ARHGEF3: variants seen among roughly 807,000 people sequenced by gnomAD.
ARHGEF3 encodes the protein Rho guanine nucleotide exchange factor 3.
Under a neutral mutation model 63.2 loss-of-function variants are expected in ARHGEF3, and 28 were observed. That is an observed-to-expected ratio of 0.44 (90% CI 0.33 to 0.61). The LOEUF is 0.61. Among genes scored for constraint, ARHGEF3 ranks in the 20% least tolerant of loss-of-function variants. The pLI is 0.03. For missense variants in ARHGEF3, 533 were observed against 659.3 expected (o/e 0.81, Z 2.10); for synonymous variants, 266 against 254.2 (o/e 1.05, Z -0.44).
intron 9 of ARHGEF3, among the ~76,000 whole-genome samples, 198 bp from the exon 10 acceptor site, chr3:56,729,820 C>T (rs943509645): frequency 7.9e-5 from 12 of 151,800 alleles, no homozygotes; most frequent in African/African-American, 2.4e-4. Context: ...ACAGGTCTAG[C>T]GTTCAGCTGC....
At chr3:57,077,917 A>G (rs1706288707) in intron 1 of ARHGEF3, among the ~76,000 whole-genome samples, 1 of 152,102 alleles carries the variant, frequency 6.6e-6, no homozygotes, top group Non-Finnish European at 1.5e-5. Flanking sequence ...GGAAGGGAAC[A>G]CCATGGCTAC....
chr3:56,809,681 T>C (rs2037993615), intron 4 of ARHGEF3, among the ~76,000 whole-genome samples: 1 of 152,062 alleles, frequency 6.6e-6, no homozygotes, highest in Admixed American at 6.6e-5. Context: ...TATTTGGGGG[T>C]TAAGGATTCA....
rs1702292412 is a variant in ARHGEF3, at chr3:57,002,546, T to TAATA, written c.62+32541_62+32542insTATT. 3.8e-5 allele frequency among the ~76,000 whole-genome samples: 3 copies of TAATA among 78,284 alleles called. No homozygotes were observed. The South Asian group carries it at 1.3e-3, about 34-fold the overall frequency. 51.4% of individuals were successfully genotyped at this position (78,284 alleles called of 152,430 possible). On this transcript the variant is annotated intron_variant, in intron 2 of 12. Coordinates refer to the ARHGEF3 transcript ENST00000338458. ...ATGTATGTTATATATGTAATATATG[T>TAATA]TATGTTATATATATGTTATATGTAT...
intron 1 of ARHGEF3, among the ~76,000 whole-genome samples, chr3:56,786,757 G>A (rs917783312): frequency 7.9e-5 from 12 of 152,130 alleles, no homozygotes; most frequent in African/African-American, 2.9e-4. Context: ...AAGAAGGCAA[G>A]GAGCTCAGAG....
chr3:56,920,010 C>T (rs531330771), intron 3 of ARHGEF3, among the ~76,000 whole-genome samples: 11 of 152,274 alleles, frequency 7.2e-5, no homozygotes, highest in Admixed American at 4.6e-4. Context: ...AGAGAAGGAT[C>T]GCTAACAATG....
chr3:57,063,177 C>G (rs1331574425), intron 1 of ARHGEF3, among the ~76,000 whole-genome samples: 1 of 152,082 alleles, frequency 6.6e-6, no homozygotes, highest in Non-Finnish European at 1.5e-5. Context: ...GAGGTGCCCA[C>G]GCAGGGAACA....
At chr3:56,765,382 C>T (rs549793600) in intron 2 of ARHGEF3, among the ~76,000 whole-genome samples, 1 of 152,200 alleles carries the variant, frequency 6.6e-6, no homozygotes, top group African/African-American at 2.4e-5. Flanking sequence ...CCCTTGGATA[C>T]CCATTACAAG....
intron 4 of ARHGEF3, among the ~76,000 whole-genome samples, chr3:56,834,194 C>T (rs1039616641): frequency 1.3e-4 from 20 of 152,142 alleles, no homozygotes; most frequent in Non-Finnish European, 2.4e-4. Flanking sequence ...TAAGCCACCA[C>T]GCCTGGCCTG....
intron 2 of ARHGEF3, among the ~76,000 whole-genome samples, chr3:56,977,986 T>G (rs75110604): frequency 1.5e-3 from 228 of 152,020 alleles, no homozygotes; most frequent in African/African-American, 5.4e-3. Context: ...AGCCTGACAG[T>G]AGAGACAAAA....
In ARHGEF3 at chr3:56,729,412, T is replaced by C; in HGVS notation, c.1439A>G (p.Glu480Gly). The C allele has an allele frequency of 6.2e-7, 1 of 1,614,080 alleles. No individual in the cohort carries two copies. Among genetic ancestry groups the C allele is most frequent in the Non-Finnish European group, 8.5e-7 (1 of 1,180,000 alleles). Reference sequence around the variant, plus strand: ...TTGGTCCATCTGCTCAAGTTTTGTTTCTCCCTGTAGCTCTCTGCTCCCGGT... The same window carrying C: ...TTGGTCCATCTGCTCAAGTTTTGTTCCTCCCTGTAGCTCTCTGCTCCCGGT... The part of the protein sequence containing the change: ...PTTGSRELQG[E>G]TKLEQMDQSD... The change falls in exon 10 of 10, where the codon GAA becomes GGA. Residue 480 changes from glutamate to glycine, a missense_variant. Physicochemically the swap from Glu to Gly is moderately conservative, Grantham distance 98 (BLOSUM62 -2). Coordinates refer to ENST00000296315, the MANE Select transcript of ARHGEF3 (RefSeq NM_019555.3).
chr3:56,878,815 G>A (rs146324377), intron 4 of ARHGEF3, among the ~76,000 whole-genome samples: 2 of 152,306 alleles, frequency 1.3e-5, no homozygotes, highest in Admixed American at 1.3e-4. Context: ...ATAGGGCCAC[G>A]GAATCAGGCT....
At chr3:56,907,057 C>A (rs2041708661) in intron 3 of ARHGEF3, among the ~76,000 whole-genome samples, 1 of 141,634 alleles carries the variant, frequency 7.1e-6, no homozygotes. Context: ...TCCCAGCTCA[C>A]TGCAACCTCT....
At chr3:56,816,460 T>C (rs1472294981) in intron 4 of ARHGEF3, among the ~76,000 whole-genome samples, 3 of 152,212 alleles carry the variant, frequency 2.0e-5, no homozygotes, top group Non-Finnish European at 2.9e-5. Context: ...TAATCTTCAT[T>C]ATTCTCTAGC....
At chr3:56,964,344 C>G (rs187199118) in intron 2 of ARHGEF3, among the ~76,000 whole-genome samples, 2 of 116,258 alleles carry the variant, frequency 1.7e-5, no homozygotes, top group Non-Finnish European at 3.5e-5. Context: ...AAGAGCAAGA[C>G]TGTCTCAAAA....
intron 4 of ARHGEF3, among the ~76,000 whole-genome samples, chr3:56,811,037 C>T (rs1173408573): frequency 1.3e-5 from 2 of 152,166 alleles, no homozygotes; most frequent in African/African-American, 2.4e-5. Flanking sequence ...GAATAAGGAG[C>T]CTCTTAATTT....
intron 6 of ARHGEF3, among the ~76,000 whole-genome samples, chr3:56,747,610 G>T (rs1213124692): frequency 3.3e-5 from 5 of 152,152 alleles, no homozygotes; most frequent in African/African-American, 1.2e-4. Context: ...GGCACTTGAG[G>T]TCAGGAGTTT....
chr3:57,066,696 G>A lies in ARHGEF3; in HGVS notation c.-28+12530C>T, dbSNP rs1465320911. 5.9e-5 allele frequency among the ~76,000 whole-genome samples: 9 copies of A among 152,316 alleles called. No homozygotes were observed. In the East Asian group the frequency reaches 1.5e-3, roughly 26 times the overall value. ...AAACATTCTAGACATTTCTGTGAAGGTATTTTTTAGATGAGATTAACATTT... is the reference window on the plus strand; with the variant it reads ...AAACATTCTAGACATTTCTGTGAAGATATTTTTTAGATGAGATTAACATTT... On this transcript the variant is annotated intron_variant, in intron 1 of 12. Coordinates refer to the ARHGEF3 transcript ENST00000338458.
intron 4 of ARHGEF3, among the ~76,000 whole-genome samples, chr3:56,879,046 T>C (rs4507224): frequency 0.98 from 149,637 of 152,330 alleles, 73,552 homozygotes; most frequent in East Asian, 1. Context: ...CTGTCACTAT[T>C]GTTACCCCCA....
At chr3:56,747,226 T>C (rs1393093485) in intron 6 of ARHGEF3, among the ~76,000 whole-genome samples, 1 of 152,186 alleles carries the variant, frequency 6.6e-6, no homozygotes, top group African/African-American at 2.4e-5. Flanking sequence ...ATGTTTTCAT[T>C]AGGAAGAAAC....
Sources: allele counts gnomAD v4.1 joint callset (sites outside exome capture counted in the v4.1 genomes callset), GRCh38; gene constraint gnomAD v4.1.1; transcripts MANE v1.5; gene names NCBI Gene and HGNC (gene_info 2026-07-23, HGNC 2026-07-21).